VPS53: variants seen among roughly 807,000 people sequenced by gnomAD.
VPS53 encodes the protein vacuolar protein sorting-associated protein 53 homolog.
A neutral mutation model predicts 107.0 loss-of-function variants in VPS53; 70 were observed. The ratio of observed to expected loss-of-function variants is 0.65; its 90% CI spans 0.54 to 0.80. The LOEUF is 0.80. Ranked by LOEUF, VPS53 falls within the 30% of genes least tolerant of loss-of-function variation. VPS53 has a pLI of 0.00. For missense variants in VPS53, 917 were observed against 1,049.4 expected, an observed-to-expected ratio of 0.87 and a Z score of 1.74; for synonymous variants, 409 against 393.3, an observed-to-expected ratio of 1.04 and a Z score of -0.47.
intron 4 of VPS53, among the ~76,000 whole-genome samples, chr17:669,592 T>TA (rs200157618): frequency 0.12 from 13,443 of 110,292 alleles, 1,162 homozygotes; most frequent in East Asian, 0.27. Flanking sequence ...TACTCTGTCT[T>TA]AAAAAAAAAA....
intron 17 of VPS53, chr17:537,912 G>C (rs775018574): frequency 1.3e-5 from 2 of 152,250 alleles, no homozygotes; most frequent in Non-Finnish European, 2.9e-5. Context: ...AAGGGGAAGG[G>C]AAAGAGAATC....
chr17:627,235 T>A lies in VPS53; in HGVS notation c.913A>T (p.Met305Leu), dbSNP rs758331616. 2 of 1,614,082 alleles carry A rather than the reference T, an allele frequency of 1.2e-6. No individual in the cohort carries two copies. Among genetic ancestry groups the A allele is most frequent in the South Asian group, 2.2e-5 (2 of 91,048 alleles). The stretch of plus-strand genomic sequence containing the variant: ...GCCATGCACCACTCACGTGGAAACA[T>A]GCGGCCGTATTTCTCCTCATAGTCC... ...LVDYEEKYGR[M>L]FPREWCMAER... Residue 305 changes from methionine to leucine, a missense_variant, in exon 10 of 22, where the codon ATG (methionine) becomes TTG (leucine). Physicochemically the swap from Met to Leu is conservative, Grantham distance 15. Coordinates refer to ENST00000437048, the MANE Select transcript of VPS53 (RefSeq NM_001128159.3).
chr17:543,262 A>G (rs372319294), intron 17 of VPS53, among the ~76,000 whole-genome samples: 28 of 152,310 alleles, frequency 1.8e-4, no homozygotes, highest in Non-Finnish European at 4.0e-4. Context: ...CTGCATTTTA[A>G]TGACTGAGGA....
chr17:557,558 C>T (rs1912550396), intron 15 of VPS53, among the ~76,000 whole-genome samples: 2 of 152,090 alleles, frequency 1.3e-5, no homozygotes, highest in Non-Finnish European at 2.9e-5. Context: ...ACATGATGTT[C>T]TGATTCATCT....
intron 12 of VPS53, among the ~76,000 whole-genome samples, chr17:586,819 C>G (rs1967344143): frequency 6.6e-6 from 1 of 152,168 alleles, no homozygotes; most frequent in Admixed American, 6.5e-5. Flanking sequence ...TTTTACACCT[C>G]AAGAAATGAG....
chr17:699,395 G>A lies in VPS53; in HGVS notation c.169-15C>T, dbSNP rs546673223. ...TTCGCCAGAGACTACAATAAAGAAG[G>A]AAGAGTGCCCAGCTGTTAGTCCACT... On this transcript the variant is annotated splice_polypyrimidine_tract_variant and intron_variant, in intron 2 of 21. Transcript: ENST00000437048. 6.5e-7 allele frequency: 1 copy of A among 1,549,376 alleles called. No homozygotes were observed. The highest frequency in any genetic ancestry group is 1.3e-5 in the South Asian group (1 of 79,934).
chr17:550,709 G>T (rs981090684), intron 17 of VPS53, among the ~76,000 whole-genome samples: 1 of 152,046 alleles, frequency 6.6e-6, no homozygotes, highest in African/African-American at 2.4e-5. Flanking sequence ...ATAAAAGAGG[G>T]GGTGAAAGAC....
intron 13 of VPS53, 113 bp downstream of exon 13, chr17:586,157 A>C (rs1967299624): frequency 5.7e-6 from 5 of 872,796 alleles, no homozygotes; most frequent in Non-Finnish European, 7.5e-6. Context: ...GGAGGGTCAC[A>C]GGCATGCCAC....
intron 11 of VPS53, among the ~76,000 whole-genome samples, chr17:611,960 C>G (rs1968900281): frequency 6.6e-6 from 1 of 150,896 alleles, no homozygotes; most frequent in Admixed American, 6.6e-5. Context: ...TCACATAGTT[C>G]ACACAGTGAA....
At chr17:560,341 AG>A in intron 15 of VPS53, 84 bp downstream of exon 15, 2 of 1,491,780 alleles carry the variant, frequency 1.3e-6, no homozygotes. Context: ...TGGCCATGTT[AG>A]GACGTATATT....
chr17:661,746 G>C, intron 5 of VPS53, 63 bp downstream of exon 5: 2 of 1,462,354 alleles, frequency 1.4e-6, no homozygotes, highest in Non-Finnish European at 1.9e-6. Flanking sequence ...TTATTAGAAT[G>C]CCTAGATGAG....
intron 4 of VPS53, among the ~76,000 whole-genome samples, chr17:690,441 G>C (rs537115696): frequency 6.6e-6 from 1 of 152,162 alleles, no homozygotes; most frequent in Non-Finnish European, 1.5e-5. Context: ...CCGGATTTCC[G>C]GCTGCTCTTG....
chr17:602,123 G>A (rs1968357344), intron 11 of VPS53, among the ~76,000 whole-genome samples: 1 of 152,110 alleles, frequency 6.6e-6, no homozygotes, highest in Non-Finnish European at 1.5e-5. Context: ...TGGCTAAAAC[G>A]CTCACGCATC....
chr17:705,084 G>A (rs1161513895), intron 2 of VPS53, among the ~76,000 whole-genome samples: 1 of 152,074 alleles, frequency 6.6e-6, no homozygotes, highest in Non-Finnish European at 1.5e-5. Flanking sequence ...CAATGATGGG[G>A]ATCAAGAGCT....
intron 17 of VPS53, among the ~76,000 whole-genome samples, chr17:540,845 T>C (rs1023707680): frequency 1.4e-4 from 21 of 152,158 alleles, no homozygotes; most frequent in African/African-American, 3.9e-4. Context: ...TTCTGCGGCC[T>C]GGGCAGGAAG....
At chr17:662,834 A>AAGGAAGGAAGGAAGG (rs1567720030) in intron 4 of VPS53, among the ~76,000 whole-genome samples, 1 of 121,062 alleles carries the variant, frequency 8.3e-6, no homozygotes, top group East Asian at 2.6e-4. Flanking sequence ...AAAGAGAAAG[A>AAGGAAGGAAGGAAGG]AAGGAAGGAA....
intron 13 of VPS53, among the ~76,000 whole-genome samples, chr17:566,019 C>T (rs1019485397): frequency 2.0e-5 from 3 of 151,718 alleles, no homozygotes; most frequent in Admixed American, 6.6e-5. Context: ...CCGGCTAAAA[C>T]GGTGAAACCC....
At position 518,288 on chromosome 17, in the gene VPS53, G is replaced by GA. The variant is rs1908452081; in HGVS notation, c.*839_*840insT. 1 of 152,124 alleles carries GA rather than the reference G, an allele frequency of 6.6e-6. No homozygotes were observed. Among genetic ancestry groups the GA allele is most frequent in the Non-Finnish European group, 1.5e-5 (1 of 68,090 alleles). 9.4% of individuals were successfully genotyped at this position (152,124 alleles called of 1,614,324 possible). A position where few individuals can be genotyped will look rare whatever the true frequency, so the allele number is the denominator to read the frequency against. ...GCCCGCGGTGGACAGGAAGGGCGGG[G>GA]GGGGCGGGCAGGCTGCGTGCCAGGC... On this transcript the variant is annotated 3_prime_UTR_variant, in exon 22 of 22. Coordinates refer to ENST00000437048, the MANE Select transcript of VPS53 (RefSeq NM_001128159.3).
chr17:665,680 C>G (rs186730037), intron 4 of VPS53, among the ~76,000 whole-genome samples: 1 of 152,256 alleles, frequency 6.6e-6, no homozygotes, highest in East Asian at 1.9e-4. Flanking sequence ...TTAGAAATTA[C>G]TTCATGGTTG....
Sources: gnomAD v4.1 joint callset for allele counts (sites outside exome capture counted in the v4.1 genomes callset) on GRCh38, gnomAD v4.1.1 for gene constraint, MANE v1.5 for transcripts, NCBI Gene and HGNC (gene_info 2026-07-23, HGNC 2026-07-21) for gene names.